Variants in APC observed in about 807,000 individuals in gnomAD.
APC encodes adenomatous polyposis coli protein.
Under a neutral mutation model 247.0 loss-of-function variants are expected in APC, and 72 were observed. The observed-to-expected ratio is 0.29, with a 90% confidence interval of 0.24 to 0.35. The LOEUF is 0.35. Ranked by LOEUF, APC falls within the 10% of genes least tolerant of loss-of-function variation. APC has a pLI of 1.00. For synonymous variants in APC, 1,254 were observed against 1,162.5 expected, an observed-to-expected ratio of 1.08 and a Z score of -1.60; for missense variants, 3,400 against 3,360.7, an observed-to-expected ratio of 1.01 and a Z score of -0.29.
At chr5:112,732,328 A>C (rs148840568) in intron 1 of APC, among the ~76,000 whole-genome samples, 1 of 152,132 alleles carries the variant, frequency 6.6e-6, no homozygotes, top group African/African-American at 2.4e-5. Flanking sequence ...AAGCTTGGGC[A>C]CTACCCACAG....
In APC at chr5:112,839,155, T is replaced by C. The variant is rs1561585768; in HGVS notation, c.3561T>C (p.Ile1187=). 6.2e-7 allele frequency: 1 copy of C among 1,614,124 alleles called. No homozygotes were observed. Among genetic ancestry groups the C allele is most frequent in the Non-Finnish European group, 8.5e-7 (1 of 1,180,036 alleles). ...ATAGTTTAAAATATGCCACAGATAT[T>C]CCTTCATCACAGAAACAGTCATTTT... ...IDYSLKYATD[I]PSSQKQSFSF... is the part of the protein sequence containing the mutation. The change falls in exon 16 of 16, where the codon ATT becomes ATC. Residue 1187 remains isoleucine (I), a synonymous_variant. Coordinates refer to ENST00000257430, the MANE Select transcript of APC (RefSeq NM_000038.6). This position sits in a 1 kb window ranked among gnomAD's most constrained non-coding sequence, Gnocchi z 5.0.
rs531116581 is a variant in APC, at chr5:112,770,870, A to T, written c.422+3480A>T. 4.6e-5 allele frequency among the ~76,000 whole-genome samples: 7 copies of T among 152,292 alleles called. No individual in the cohort carries two copies. In the East Asian group the frequency reaches 1.3e-3, roughly 29 times the overall value. ...CATATACACATAAGCAAATACACAT[A>T]CATATATATAAGTTCTATTTCTTGT... On this transcript the variant is annotated intron_variant, in intron 4 of 15. Transcript: ENST00000257430.
At chr5:112,775,599 A>ATT in intron 4 of APC, 30 bp from the exon 5 acceptor site, 1 of 1,372,614 alleles carries the variant, frequency 7.3e-7, no homozygotes, top group Non-Finnish European at 1.0e-6. Flanking sequence ...CATTGTTTAA[A>ATT]CGTACCTTTT....
chr5:112,791,497 C>A (rs775455413), intron 6 of APC, among the ~76,000 whole-genome samples: 2 of 152,108 alleles, frequency 1.3e-5, no homozygotes, highest in African/African-American at 4.8e-5. Context: ...AGCATGAACC[C>A]GCTTGTGAAC....
In APC at chr5:112,839,965, A is replaced by G. The variant is rs2149913050; in HGVS notation, c.4371A>G (p.Ala1457=). The change falls in exon 16 of 16, where the codon GCA becomes GCG. Residue 1457 remains alanine (A), a synonymous_variant. Coordinates refer to ENST00000257430, the MANE Select transcript of APC (RefSeq NM_000038.6). The surrounding 1 kb of genome is among the most constrained non-coding windows in gnomAD (Gnocchi z 5.0). ...QTKREVPKNK[A]PTAEKRESGP... ...AGCGAGAAGTACCTAAAAATAAAGC[A>G]CCTACTGCTGAAAAGAGAGAGAGTG... 1 of 1,614,086 alleles carries G rather than the reference A, an allele frequency of 6.2e-7. No individual in the cohort carries two copies. The highest frequency in any genetic ancestry group is 8.5e-7 in the Non-Finnish European group (1 of 1,180,004).
intron 7 of APC, among the ~76,000 whole-genome samples, chr5:112,794,581 C>T (rs1438979886): frequency 6.6e-6 from 1 of 152,100 alleles, no homozygotes; most frequent in Non-Finnish European, 1.5e-5. Context: ...CCTAAGCCAC[C>T]AGGACTGCTG....
intron 8 of APC, among the ~76,000 whole-genome samples, chr5:112,806,735 C>T (rs1228301412): frequency 6.6e-6 from 1 of 152,094 alleles, no homozygotes; most frequent in Non-Finnish European, 1.5e-5. Flanking sequence ...CACCACTGTG[C>T]CTGGCTAATT....
rs77939389 is a variant in APC at position 112,779,945 on chromosome 5, A to G, written c.532-845A>G. On this transcript the variant is annotated intron_variant, in intron 5 of 15. Coordinates refer to ENST00000257430, the MANE Select transcript of APC (RefSeq NM_000038.6). ...AGATATATGTCATATACAGTTTTCT[A>G]AGGGCACACAGAAAATCTATAACAT... is the stretch of plus-strand genomic sequence containing the variant. Among the ~76,000 whole-genome samples, 1,345 of 152,308 alleles carry G rather than the reference A, an allele frequency of 8.8e-3. 7 individuals are homozygous for G. Among genetic ancestry groups the G allele is most frequent in the Middle Eastern group, 0.017 (5 of 294 alleles).
chr5:112,812,651 T>C (rs1327359604), intron 8 of APC, among the ~76,000 whole-genome samples: 3 of 152,220 alleles, frequency 2.0e-5, no homozygotes, highest in Non-Finnish European at 4.4e-5. Context: ...GAACCAAGAC[T>C]GAATTGTGTA....
chr5:112,834,461 T>C (rs912099787), intron 14 of APC, among the ~76,000 whole-genome samples: 1 of 150,290 alleles, frequency 6.7e-6, no homozygotes, highest in Non-Finnish European at 1.5e-5. Context: ...GCGAGGCTGG[T>C]CTTGAACTCC....
At chr5:112,818,684 G>A (rs1762763059) in intron 9 of APC, among the ~76,000 whole-genome samples, 1 of 152,108 alleles carries the variant, frequency 6.6e-6, no homozygotes, top group African/African-American at 2.4e-5. Flanking sequence ...AGCACTAACA[G>A]TTTGTTAGTG....
rs1484678720 is a variant in APC at position 112,707,830 on chromosome 5, C to G, written c.113C>G (p.Thr38Arg). The G allele has an allele frequency of 7.3e-7, 1 of 1,370,468 alleles. No homozygotes were observed. Among genetic ancestry groups the G allele is most frequent in the Non-Finnish European group, 9.6e-7 (1 of 1,038,736 alleles). The allele number at this position is 1,370,468 out of a possible 1,614,324, so 84.9% of individuals were successfully genotyped here. Residue 38 changes from threonine (T) to arginine (R), a missense_variant, in exon 1 of 14, where the codon ACG becomes AGG. Coordinates refer to the APC transcript ENST00000507379. ...AGCAGGAGCTGCGTCCGGCAGGAGACGAAGAGCCCGGGCGGCGCTCGTACT... is the reference window on the plus strand; with the variant it reads ...AGCAGGAGCTGCGTCCGGCAGGAGAGGAAGAGCCCGGGCGGCGCTCGTACT...
In APC at chr5:112,842,682, A is replaced by G. The variant is rs587779806; in HGVS notation, c.7088A>G (p.Lys2363Arg). Residue 2363 changes from lysine to arginine, a missense_variant, in exon 16 of 16, where the codon AAA becomes AGA. Physicochemically the swap from Lys to Arg is conservative, Grantham distance 26. Around this residue, in one of 9 missense-constraint regions of APC, gnomAD observed 1,788 missense variants for 1,649.5 expected, o/e 1.08. Transcript: ENST00000257430. ...TCAACTAAGTCCTCAGGTTCTGGAA[A>G]AATGTCATATACATCTCCAGGTAGA... ...TASTKSSGSG[K>R]MSYTSPGRQM... 4.3e-6 allele frequency: 7 copies of G among 1,613,464 alleles called. No individual in the cohort carries two copies. The highest frequency in any genetic ancestry group is 5.9e-6 in the Non-Finnish European group (7 of 1,179,570).
chr5:112,760,622 A>G lies in APC; in HGVS notation c.135+5597A>G, dbSNP rs1581140260. On this transcript the variant is annotated intron_variant, in intron 2 of 15. Coordinates refer to ENST00000257430, the MANE Select transcript of APC (RefSeq NM_000038.6). ...CCTATTAGAGGGAGACCTACCTAGT[A>G]TATCAAACATGACTGGTTTTCCATT... is the stretch of plus-strand genomic sequence containing the variant. Among the ~76,000 whole-genome samples the G allele has an allele frequency of 4.6e-5, 7 of 152,334 alleles. No homozygotes were observed. The South Asian group carries it at 1.0e-3, about 23-fold the overall frequency.
At chr5:112,711,120 C>G (rs1335534099) in intron 1 of APC, among the ~76,000 whole-genome samples, 3 of 152,224 alleles carry the variant, frequency 2.0e-5, no homozygotes, top group African/African-American at 7.2e-5. Flanking sequence ...GTGTTAGGAA[C>G]TGGGCAGCAT....
intron 6 of APC, among the ~76,000 whole-genome samples, chr5:112,783,404 A>T (rs1015442257): frequency 6.6e-6 from 1 of 152,186 alleles, no homozygotes; most frequent in South Asian, 2.1e-4. Flanking sequence ...AAGAAATTGT[A>T]AACAAGATAA....
intron 2 of APC, among the ~76,000 whole-genome samples, chr5:112,763,746 A>C (rs182859922): frequency 6.6e-6 from 1 of 152,354 alleles, no homozygotes; most frequent in African/African-American, 2.4e-5. Flanking sequence ...GTCTCCATAG[A>C]ATAACACTGT....
At chr5:112,742,435 A>G (rs534212266) in intron 1 of APC, among the ~76,000 whole-genome samples, 1 of 152,352 alleles carries the variant, frequency 6.6e-6, no homozygotes, top group Non-Finnish European at 1.5e-5. Flanking sequence ...GCAAGAATTC[A>G]GGAATGTCTT....
chr5:112,775,592 T>A (rs2149613884), intron 4 of APC, 37 bp from the exon 5 acceptor site: 9 of 1,275,166 alleles, frequency 7.1e-6, no homozygotes, highest in Non-Finnish European at 9.1e-6. Context: ...TTATTAGCAT[T>A]GTTTAAACGT....
Sources: gnomAD v4.1 joint callset for allele counts (sites outside exome capture counted in the v4.1 genomes callset) on GRCh38, gnomAD v4.1.1 for gene constraint, gnomAD v4.1.1 regional missense constraint, Gnocchi (gnomAD v3.1) non-coding constraint, MANE v1.5 for transcripts, NCBI Gene and HGNC (gene_info 2026-07-23, HGNC 2026-07-21) for gene names.